The following SDK2 variants were observed in gnomAD, a reference collection of about 807,000 sequenced individuals.
SDK2 encodes the protein protein sidekick-2.
In SDK2, 105 loss-of-function variants were observed where a neutral mutation model predicts 253.9. The ratio of observed to expected loss-of-function variants is 0.41; its 90% confidence interval spans 0.35 to 0.49. The LOEUF is 0.49. Among genes scored for constraint, SDK2 ranks in the 20% least tolerant of loss-of-function variants. The pLI, the probability that SDK2 is intolerant of heterozygous loss-of-function variation, is 0.06. For missense variants in SDK2, 2,608 were observed against 3,003.0 expected, an observed-to-expected ratio of 0.87 and a Z score of 3.07; for synonymous variants, 1,249 against 1,234.9, an observed-to-expected ratio of 1.01 and a Z score of -0.24.
At chr17:73,454,767 G>A (rs546631353) in intron 4 of SDK2, among the ~76,000 whole-genome samples, 2 of 152,258 alleles carry the variant, frequency 1.3e-5, no homozygotes, top group East Asian at 3.9e-4. Context: ...GCAGTGGCCC[G>A]ATCTCGGCTC....
At chr17:73,384,134 C>G in intron 32 of SDK2, 123 bp from the exon 33 acceptor site, 2 of 1,130,852 alleles carry the variant, frequency 1.8e-6, no homozygotes, top group Non-Finnish European at 2.5e-6. Flanking sequence ...GAAAAGAAAT[C>G]AAGATAATAT....
chr17:73,500,700 C>T (rs992675623), intron 2 of SDK2, among the ~76,000 whole-genome samples: 6 of 144,092 alleles, frequency 4.2e-5, no homozygotes, highest in Admixed American at 1.4e-4. Flanking sequence ...CTCCTCCATC[C>T]TCCTTCCGTC....
intron 1 of SDK2, among the ~76,000 whole-genome samples, chr17:73,537,415 T>C (rs1036437221): frequency 7.9e-5 from 12 of 152,190 alleles, no homozygotes; most frequent in Admixed American, 7.2e-4. Flanking sequence ...CTGCCTTCGA[T>C]TCCCACTTTG....
intron 1 of SDK2, among the ~76,000 whole-genome samples, chr17:73,582,921 A>C (rs778097779): frequency 5.9e-5 from 9 of 152,128 alleles, no homozygotes; most frequent in Non-Finnish European, 8.8e-5. Flanking sequence ...GGGCTGAGAC[A>C]TTCTTCCCCG....
chr17:73,393,717 C>T lies in SDK2; in HGVS notation c.3741G>A (p.Gln1247=). 6.3e-7 allele frequency: 1 copy of T among 1,587,238 alleles called. No individual in the cohort carries two copies. Residue 1247 remains glutamine (Q), a synonymous_variant, in exon 27 of 45, where the codon CAG becomes CAA. Transcript: ENST00000392650. ...TGCCTTCCACCAGCCAGAATCGGGG[C>T]TGGGTGTCCGAGTCCTTCTCCTTAT... The part of the protein sequence containing the change: ...VMYKEKDSDT[Q]PRFWLVEGNS...
chr17:73,633,119 C>CA (rs34930762), intron 1 of SDK2, among the ~76,000 whole-genome samples: 8 of 151,336 alleles, frequency 5.3e-5, no homozygotes, highest in Admixed American at 2.6e-4. Flanking sequence ...CCTGTATCTA[C>CA]AAAAAAAATA....
intron 1 of SDK2, among the ~76,000 whole-genome samples, chr17:73,592,378 A>T (rs1171333913): frequency 6.6e-6 from 1 of 152,262 alleles, no homozygotes; most frequent in African/African-American, 2.4e-5. Context: ...TACTGGACTA[A>T]TAAAAATTAA....
At position 73,442,172 on chromosome 17, in the gene SDK2, C is replaced by T. The variant is rs552765312; in HGVS notation, c.614-1249G>A. ...AAGAGGCCAGAGCTGGCTCTCTCTCCGCCATGTGAGGACACGGCTGGAAGG... is the reference window on the plus strand; with the variant it reads ...AAGAGGCCAGAGCTGGCTCTCTCTCTGCCATGTGAGGACACGGCTGGAAGG... On this transcript the variant is annotated intron_variant, in intron 5 of 44. Coordinates refer to ENST00000392650, the MANE Select transcript of SDK2 (RefSeq NM_001144952.2). 8.2e-4 allele frequency among the ~76,000 whole-genome samples: 125 copies of T among 152,350 alleles called. 1 individual carries two copies. The highest frequency in any genetic ancestry group is 2.8e-3 in the African/African-American group (117 of 41,578).
chr17:73,405,505 T>TAC (rs2063068181), intron 18 of SDK2, among the ~76,000 whole-genome samples: 3 of 58,830 alleles, frequency 5.1e-5, no homozygotes, highest in Admixed American at 3.4e-4. Context: ...TATATATATA[T>TAC]ATATATATAT....
intron 1 of SDK2, among the ~76,000 whole-genome samples, chr17:73,638,196 T>C (rs956115091): frequency 6.6e-6 from 1 of 152,158 alleles, no homozygotes; most frequent in Admixed American, 6.5e-5. Context: ...CAGATGACCG[T>C]GGGCTGTATG....
chr17:73,578,546 GAC>G (rs1380911500), intron 1 of SDK2, among the ~76,000 whole-genome samples: 1 of 152,174 alleles, frequency 6.6e-6, no homozygotes, highest in Non-Finnish European at 1.5e-5. Context: ...ATGACTCGGT[GAC>G]ACACAGCAAA....
At chr17:73,375,512 G>A (rs1030452613) in intron 36 of SDK2, among the ~76,000 whole-genome samples, 10 of 152,080 alleles carry the variant, frequency 6.6e-5, no homozygotes, top group East Asian at 1.9e-4. Flanking sequence ...CTTTCAAAGC[G>A]CCAGGATTAC....
chr17:73,432,860 G>C (rs373862082), intron 10 of SDK2, among the ~76,000 whole-genome samples: 2 of 152,064 alleles, frequency 1.3e-5, no homozygotes, highest in Admixed American at 6.6e-5. Context: ...GTGTGCACAT[G>C]CGTGTGTGTG....
Position 73,386,738 on chromosome 17 carries a change from C to T in SDK2, c.4395-190G>A, listed in dbSNP as rs1470197809. On this transcript the variant is annotated intron_variant, in intron 30 of 44. Coordinates refer to ENST00000392650, the MANE Select transcript of SDK2 (RefSeq NM_001144952.2). ...AAAGAGGACAAACTGGGACCCGGCC[C>T]CAGGGGTCCCAAGCACCTAGACCAG... Among the ~76,000 whole-genome samples the T allele has an allele frequency of 2.0e-5, 3 of 152,210 alleles. No homozygotes were observed. The South Asian group carries it at 6.2e-4, about 31-fold the overall frequency.
intron 18 of SDK2, among the ~76,000 whole-genome samples, chr17:73,404,168 A>G (rs2063052245): frequency 6.6e-6 from 1 of 152,104 alleles, no homozygotes. Flanking sequence ...CACGCTCTTG[A>G]CTTCATTATC....
Position 73,438,163 on chromosome 17 carries a change from G to A in SDK2, c.726-9C>T, listed in dbSNP as rs2063385683. 5 of 1,547,308 alleles carry A rather than the reference G, an allele frequency of 3.2e-6. No individual in the cohort carries two copies. Among genetic ancestry groups the A allele is most frequent in the African/African-American group, 1.4e-5 (1 of 72,994 alleles). On this transcript the variant is annotated splice_polypyrimidine_tract_variant and intron_variant, in intron 6 of 44. Transcript: ENST00000392650. ...GTAGCTTGATCAGGGGCCTGCAGAG[G>A]GCAAGGGAAGGCCAGTGTTCAGCCA...
chr17:73,358,632 G>A (rs1208960702), intron 39 of SDK2, among the ~76,000 whole-genome samples: 1 of 152,098 alleles, frequency 6.6e-6, no homozygotes, highest in African/African-American at 2.4e-5. Context: ...AGGTGGGTGC[G>A]ATGATGGCAG....
At chr17:73,532,714 C>T (rs1459285149) in intron 1 of SDK2, among the ~76,000 whole-genome samples, 2 of 152,022 alleles carry the variant, frequency 1.3e-5, no homozygotes, top group Non-Finnish European at 2.9e-5. Flanking sequence ...TCCAAGGAAA[C>T]GGGGGGGCTG....
intron 1 of SDK2, among the ~76,000 whole-genome samples, chr17:73,606,380 G>T (rs558962509): frequency 1.3e-5 from 2 of 151,826 alleles, no homozygotes; most frequent in African/African-American, 2.4e-5. Flanking sequence ...CTCCTCTGAG[G>T]GGGGGCAGGG....
Sources: gnomAD v4.1 joint callset for allele counts (sites outside exome capture counted in the v4.1 genomes callset) on GRCh38, gnomAD v4.1.1 for gene constraint, MANE v1.5 for transcripts, NCBI Gene and HGNC (gene_info 2026-07-23, HGNC 2026-07-21) for gene names.